The following FBXO17 variants were observed in gnomAD, a reference collection of about 807,000 sequenced individuals.
The protein encoded by FBXO17 is F-box protein 17, also known as F-box only protein 17.
FBXO17 carries 43 observed loss-of-function variants against 34.1 expected under a neutral mutation model. That is an observed-to-expected ratio of 1.26 (90% CI 0.99 to 1.62). The LOEUF (loss-of-function observed/expected upper bound fraction) is 1.62. Among genes scored for constraint, FBXO17 ranks in the 40% most tolerant of loss-of-function variants. The probability of loss-of-function intolerance (pLI) is 0.00; values close to 1 mark genes in which losing one functional copy is unlikely to be tolerated. For missense variants in FBXO17, 424 were observed against 386.7 expected (o/e 1.10, Z -0.81); for synonymous variants, 169 against 166.0 (o/e 1.02, Z -0.14).
intron 3 of FBXO17, chr19:38,947,264 G>A (rs1974998644): frequency 1.3e-5 from 2 of 152,298 alleles, no homozygotes; most frequent in Admixed American, 1.3e-4. Context: ...TGGAAGGATG[G>A]GTAAGTTGAG....
chr19:38,946,954 A>T, intron 3 of FBXO17: 1 of 211,880 alleles, frequency 4.7e-6, no homozygotes, highest in Non-Finnish European at 9.6e-6. Flanking sequence ...TTCCTGTTGG[A>T]TCAGCCAATG....
At chr19:38,947,521 AG>A (rs1975002498) in intron 3 of FBXO17, 1 of 152,134 alleles carries the variant, frequency 6.6e-6, no homozygotes, top group African/African-American at 2.4e-5. Flanking sequence ...AGGGAGGCAG[AG>A]GCTGCAGTGA....
At chr19:38,950,403 C>T in intron 1 of FBXO17, 67 bp from the exon 2 acceptor site, 2 of 1,386,774 alleles carry the variant, frequency 1.4e-6, no homozygotes, top group Non-Finnish European at 1.9e-6. Flanking sequence ...ACCTTGTCCC[C>T]CAGGGCGCAA....
At chr19:38,960,124 T>G (rs1975226770) in intron 1 of FBXO17, among the ~76,000 whole-genome samples, 1 of 152,174 alleles carries the variant, frequency 6.6e-6, no homozygotes, top group Non-Finnish European at 1.5e-5. Flanking sequence ...TATAAGTATC[T>G]CCTCAGCAGA....
Position 38,950,284 on chromosome 19 carries a change from C to T in FBXO17, c.36G>A (p.Ala12=), listed in dbSNP as rs748626300. Residue 12 remains alanine, a synonymous_variant, in exon 2 of 6, where the codon GCG becomes GCA. Coordinates refer to ENST00000292852, the MANE Select transcript of FBXO17 (RefSeq NM_024907.7). The stretch of plus-strand genomic sequence containing the variant: ...GCGCGTCCAGGGCCAGGGATGGGTC[C>T]GCCGGCAGCCGTCGCCGCGATAGCC... ...GARLSRRRLP[A]DPSLALDALP... is the part of the protein sequence containing the mutation. 1.4e-6 allele frequency: 2 copies of T among 1,444,066 alleles called. No individual in the cohort carries two copies. Among genetic ancestry groups the T allele is most frequent in the East Asian group, 5.6e-5 (2 of 35,916 alleles). 89.5% of individuals were successfully genotyped at this position (1,444,066 alleles called of 1,614,324 possible).
Position 38,942,565 on chromosome 19 carries a change from C to G in FBXO17, c.*43G>C. 6.7e-7 allele frequency: 1 copy of G among 1,493,322 alleles called. No individual in the cohort carries two copies. 92.5% of individuals were successfully genotyped at this position (1,493,322 alleles called of 1,614,324 possible). A position where few individuals can be genotyped will look rare whatever the true frequency, so the allele number is the denominator to read the frequency against. On this transcript the variant is annotated 3_prime_UTR_variant, in exon 6 of 6. Coordinates refer to ENST00000292852, the MANE Select transcript of FBXO17 (RefSeq NM_024907.7). ...AGGTGTGAGCCACTGCACCTGGCTG[C>G]AAGGCTGGTCTTGACTGACAACGTC...
intron 1 of FBXO17, among the ~76,000 whole-genome samples, chr19:38,950,667 TA>T (rs1975070238): frequency 6.6e-6 from 1 of 152,250 alleles, no homozygotes; most frequent in Admixed American, 6.5e-5. Context: ...AAGGGGACTT[TA>T]CCCATTCCTG....
intron 4 of FBXO17, chr19:38,945,311 C>T (rs1974960060): frequency 6.3e-6 from 4 of 631,484 alleles, no homozygotes; most frequent in Non-Finnish European, 1.1e-5. Context: ...CCTGGGTGGT[C>T]CTGGGGAGGA....
At chr19:38,974,033 CATAT>C (rs34636219) in intron 1 of FBXO17, among the ~76,000 whole-genome samples, 10 of 136,206 alleles carry the variant, frequency 7.3e-5, no homozygotes, top group Non-Finnish European at 1.4e-4. Flanking sequence ...TATATATATA[CATAT>C]ATATATATAC....
chr19:38,943,735 C>T (rs1285033414), intron 5 of FBXO17, among the ~76,000 whole-genome samples: 1 of 152,246 alleles, frequency 6.6e-6, no homozygotes, highest in African/African-American at 2.4e-5. Context: ...GGATTACAGA[C>T]GCCCATCACC....
chr19:38,971,242 A>T (rs1404932668), intron 1 of FBXO17, among the ~76,000 whole-genome samples: 1 of 152,086 alleles, frequency 6.6e-6, no homozygotes, highest in Non-Finnish European at 1.5e-5. Context: ...GGCCCTCGAC[A>T]AATGTTTGCT....
intron 1 of FBXO17, among the ~76,000 whole-genome samples, chr19:38,959,073 T>C (rs1975209639): frequency 6.6e-6 from 1 of 151,558 alleles, no homozygotes; most frequent in African/African-American, 2.4e-5. Context: ...CAGCTTCGTT[T>C]GTTTTATATT....
At chr19:38,970,172 G>A (rs1975373691) in intron 1 of FBXO17, among the ~76,000 whole-genome samples, 1 of 150,074 alleles carries the variant, frequency 6.7e-6, no homozygotes, top group Non-Finnish European at 1.5e-5. Context: ...TAAGCCACAA[G>A]TACCCAGAAC....
intron 2 of FBXO17, among the ~76,000 whole-genome samples, chr19:38,949,178 T>C (rs1975032953): frequency 6.6e-6 from 1 of 152,184 alleles, no homozygotes; most frequent in South Asian, 2.1e-4. Context: ...CTCAGCCCAC[T>C]GTAACCTCCG....
intron 4 of FBXO17, 24 bp downstream of exon 4, chr19:38,946,448 G>A: frequency 6.2e-7 from 1 of 1,613,674 alleles, no homozygotes; most frequent in South Asian, 1.1e-5. Context: ...GCTGCTCTGG[G>A]GCAGGGTGCC....
intron 1 of FBXO17, among the ~76,000 whole-genome samples, chr19:38,968,818 G>T (rs551462123): frequency 6.6e-6 from 1 of 152,268 alleles, no homozygotes; most frequent in African/African-American, 2.4e-5. Context: ...TATATGATGT[G>T]CTTCTATGAA....
chr19:38,950,032 C>T lies in FBXO17; in HGVS notation c.288G>A (p.Leu96=), dbSNP rs764336735. Residue 96 remains leucine (L), a synonymous_variant, in exon 2 of 6, where the codon CTG becomes CTA. Transcript: ENST00000292852. The stretch of plus-strand genomic sequence containing the variant: ...AGGGCGCGCGCAGACAGTAGCGCGC[C>T]AGGGCGCACAGCGGGAACTCCTCCT... The part of the protein sequence containing the change: ...EDKEEFPLCA[L]ARYCLRAPFG... The T allele has an allele frequency of 3.2e-6, 5 of 1,565,236 alleles. No individual in the cohort carries two copies. The highest frequency in any genetic ancestry group is 1.7e-4 in the Middle Eastern group (1 of 6,008).
At chr19:38,945,342 C>G in intron 4 of FBXO17, 2 of 533,970 alleles carry the variant, frequency 3.7e-6, no homozygotes, top group East Asian at 3.3e-5. Context: ...GGGGGAGGAG[C>G]CTGGGTGGTC....
chr19:38,968,652 C>T (rs1685127479), intron 1 of FBXO17, among the ~76,000 whole-genome samples: 1 of 152,022 alleles, frequency 6.6e-6, no homozygotes, highest in Admixed American at 6.6e-5. Context: ...GGAAACACTC[C>T]AAATGTCTAT....
Sources: allele counts gnomAD v4.1 joint callset (sites outside exome capture counted in the v4.1 genomes callset), GRCh38; gene constraint gnomAD v4.1.1; transcripts MANE v1.5; gene names NCBI Gene and HGNC (gene_info 2026-07-23, HGNC 2026-07-21).